The following FAM234B variants were observed in gnomAD, a reference collection of about 807,000 sequenced individuals.
The protein encoded by FAM234B is family with sequence similarity 234 member B, also known as protein FAM234B.
FAM234B carries 33 observed loss-of-function variants against 69.3 expected under a neutral mutation model. The ratio of observed to expected loss-of-function variants is 0.48; its 90% CI spans 0.36 to 0.64. The LOEUF (loss-of-function observed/expected upper bound fraction) is 0.64, where lower values mean the gene tolerates loss of function less well. Ranked by LOEUF, FAM234B falls within the 30% of genes least tolerant of loss-of-function variation. The pLI is 0.00. For synonymous variants in FAM234B, 306 were observed against 306.9 expected, an observed-to-expected ratio of 1.00 and a Z score of 0.03; for missense variants, 697 against 769.7, an observed-to-expected ratio of 0.91 and a Z score of 1.12.
At chr12:13,069,143 A>G (rs1049105123) in intron 9 of FAM234B, among the ~76,000 whole-genome samples, 1 of 152,236 alleles carries the variant, frequency 6.6e-6, no homozygotes, top group East Asian at 1.9e-4. Flanking sequence ...GTATTTATGT[A>G]GACAGGAAAA....
chr12:13,055,290 A>T (rs1029728095), intron 1 of FAM234B, among the ~76,000 whole-genome samples: 1 of 152,202 alleles, frequency 6.6e-6, no homozygotes, highest in Admixed American at 6.5e-5. Context: ...AAATTTGCTA[A>T]CTTCTGCCTC....
intron 5 of FAM234B, among the ~76,000 whole-genome samples, chr12:13,066,073 A>G (rs1293096676): frequency 6.6e-6 from 1 of 152,166 alleles, no homozygotes; most frequent in Non-Finnish European, 1.5e-5. Context: ...TGTGTTATTT[A>G]TGACTGCTTT....
chr12:13,075,899 G>C (rs1200503573), intron 10 of FAM234B, 127 bp from the exon 11 acceptor site: 1 of 756,978 alleles, frequency 1.3e-6, no homozygotes, highest in Non-Finnish European at 2.4e-6. Flanking sequence ...CTTGTAGTTA[G>C]GATCAGGCAT....
chr12:13,061,863 G>C, intron 4 of FAM234B, 100 bp downstream of exon 4: 3 of 953,048 alleles, frequency 3.1e-6, no homozygotes, highest in Non-Finnish European at 4.7e-6. Flanking sequence ...TCACGTGGTG[G>C]AGTATCTGAT....
In FAM234B at chr12:13,080,747, C is replaced by T. The variant is rs900761450; in HGVS notation, c.*117C>T. On this transcript the variant is annotated 3_prime_UTR_variant, in exon 13 of 13. Transcript: ENST00000197268. Reference sequence around the variant, plus strand: ...ACTTCTTCGTCCTCATTTACCACCTCCCTGATGGTTGCAAAGGCTTGGGAA... The same window carrying T: ...ACTTCTTCGTCCTCATTTACCACCTTCCTGATGGTTGCAAAGGCTTGGGAA... The T allele has an allele frequency of 3.0e-5, 26 of 860,008 alleles. No individual in the cohort carries two copies. The African/African-American group carries it at 3.9e-4, about 13-fold the overall frequency. 53.3% of individuals were successfully genotyped at this position (860,008 alleles called of 1,614,324 possible).
rs1865219461 is a variant in FAM234B at position 13,080,989 on chromosome 12, T to G, written c.*359T>G. On this transcript the variant is annotated 3_prime_UTR_variant, in exon 13 of 13. Coordinates refer to ENST00000197268, the MANE Select transcript of FAM234B (RefSeq NM_020853.2). ...CTAGGAAACATTTTGTTGTACATTGTGCTGTGTGTGTGTATATTTTAGTGT... is the reference window on the plus strand; with the variant it reads ...CTAGGAAACATTTTGTTGTACATTGGGCTGTGTGTGTGTATATTTTAGTGT... The G allele has an allele frequency of 4.6e-6, 1 of 216,178 alleles. No homozygotes were observed. Among genetic ancestry groups the G allele is most frequent in the African/African-American group, 2.3e-5 (1 of 43,784 alleles). The allele number at this position is 216,178 out of a possible 1,614,324, so 13.4% of individuals were successfully genotyped here.
chr12:13,083,144 A>G lies in FAM234B; in HGVS notation c.*2514A>G, dbSNP rs979561738. 5.2e-5 allele frequency: 8 copies of G among 152,400 alleles called. No homozygotes were observed. The highest frequency in any genetic ancestry group is 1.7e-4 in the African/African-American group (7 of 41,378). The allele number at this position is 152,400 out of a possible 1,614,324, so 9.4% of individuals were successfully genotyped here. ...CCCACCCAGGTGTCTAAGATAGGACATGCTCCTTTCTTTCTCTAATCCCAT... is the reference window on the plus strand; with the variant it reads ...CCCACCCAGGTGTCTAAGATAGGACGTGCTCCTTTCTTTCTCTAATCCCAT... On this transcript the variant is annotated 3_prime_UTR_variant, in exon 13 of 13. Coordinates refer to ENST00000197268, the MANE Select transcript of FAM234B (RefSeq NM_020853.2).
Position 13,076,517 on chromosome 12 carries a change from T to G in FAM234B, c.1642+374T>G, listed in dbSNP as rs776290020. Reference sequence around the variant, plus strand: ...CTAGTTTCTTGACCCACTCAGAGATTAGGATTTGGAATTAACTGTGAAGGA... The same window carrying G: ...CTAGTTTCTTGACCCACTCAGAGATGAGGATTTGGAATTAACTGTGAAGGA... On this transcript the variant is annotated intron_variant, in intron 11 of 12. Transcript: ENST00000197268. Among the ~76,000 whole-genome samples, 93 of 152,222 alleles carry G rather than the reference T, an allele frequency of 6.1e-4. 1 individual carries two copies. Among genetic ancestry groups the G allele is most frequent in the Non-Finnish European group, 2.2e-4 (15 of 68,034 alleles).
Position 13,055,907 on chromosome 12 carries a change from C to A in FAM234B, c.394C>A (p.Leu132Met). ...AFLIPCPPRDLHSTWSRHLGS... is the reference protein window; with the variant it reads ...AFLIPCPPRDMHSTWSRHLGS... ...CCTGATCCCCTGTCCTCCCAGAGAT[C>A]TGCACAGCACCTGGAGCCGCCACTT... Residue 132 changes from leucine to methionine, a missense_variant, in exon 2 of 13, where the codon CTG becomes ATG. Coordinates refer to ENST00000197268, the MANE Select transcript of FAM234B (RefSeq NM_020853.2). 1 of 1,599,492 alleles carries A rather than the reference C, an allele frequency of 6.3e-7. No homozygotes were observed. Among genetic ancestry groups the A allele is most frequent in the Non-Finnish European group, 8.5e-7 (1 of 1,172,470 alleles).
intron 10 of FAM234B, among the ~76,000 whole-genome samples, chr12:13,075,497 G>A (rs1865149377): frequency 2.7e-5 from 4 of 149,254 alleles, no homozygotes; most frequent in Admixed American, 2.7e-4. Flanking sequence ...GAGTGCAGTG[G>A]CATGATCTTG....
At chr12:13,053,272 G>T in intron 1 of FAM234B, among the ~76,000 whole-genome samples, 1 of 151,482 alleles carries the variant, frequency 6.6e-6, no homozygotes, top group African/African-American at 2.4e-5. Context: ...ATAATTCTGT[G>T]GAATGTTCAT....
chr12:13,058,571 A>T (rs756585288), intron 3 of FAM234B, 22 bp downstream of exon 3: 1 of 1,582,482 alleles, frequency 6.3e-7, no homozygotes, highest in African/African-American at 1.3e-5. Flanking sequence ...GTTTTTTTCA[A>T]GGCTGCTACA....
At chr12:13,064,290 C>T (rs552720837) in intron 5 of FAM234B, among the ~76,000 whole-genome samples, 2 of 152,292 alleles carry the variant, frequency 1.3e-5, no homozygotes, top group East Asian at 3.9e-4. Flanking sequence ...CTTTTTTATC[C>T]TAGCCATTGT....
chr12:13,051,397 A>G (rs1001953540), intron 1 of FAM234B, among the ~76,000 whole-genome samples: 3 of 152,202 alleles, frequency 2.0e-5, no homozygotes, highest in Admixed American at 6.5e-5. Context: ...CTGACTAGCA[A>G]GATTGAATTT....
In FAM234B at chr12:13,067,088, C is replaced by T. The variant is rs1865047710; in HGVS notation, c.1001-67C>T. 1.9e-6 allele frequency: 3 copies of T among 1,585,184 alleles called. No homozygotes were observed. Among genetic ancestry groups the T allele is most frequent in the Non-Finnish European group, 2.6e-6 (3 of 1,157,750 alleles). On this transcript the variant is annotated intron_variant, in intron 6 of 12. Transcript: ENST00000197268. This position sits in a 1 kb window ranked among gnomAD's most constrained non-coding sequence, Gnocchi z 4.7. ...CTGGTCAGGCTCTGTGTCTCTTGCT[C>T]AGATCCTCACCATGGGACAGTTCTG...
chr12:13,075,858 C>T (rs980903877), intron 10 of FAM234B, among the ~76,000 whole-genome samples, 168 bp from the exon 11 acceptor site: 8 of 151,976 alleles, frequency 5.3e-5, no homozygotes, highest in African/African-American at 1.9e-4. Context: ...AAATATGTCT[C>T]TTATACAGGG....
At chr12:13,056,065 C>A in intron 2 of FAM234B, 119 bp downstream of exon 2, 1 of 1,071,182 alleles carries the variant, frequency 9.3e-7, no homozygotes, top group Non-Finnish European at 1.3e-6. Flanking sequence ...CCCACCCTGC[C>A]GTCCCCACTG....
Position 13,061,270 on chromosome 12 carries a change from C to T in FAM234B, c.533-305C>T, listed in dbSNP as rs116206250. On this transcript the variant is annotated intron_variant, in intron 3 of 12. Transcript: ENST00000197268. ...ACAGTCTTTCTCCTTAAGGATATCACCATTTAGTTGGGGCCGAGGTGGCAG... is the reference window on the plus strand; with the variant it reads ...ACAGTCTTTCTCCTTAAGGATATCATCATTTAGTTGGGGCCGAGGTGGCAG... 2.3e-3 allele frequency among the ~76,000 whole-genome samples: 357 copies of T among 152,250 alleles called. 3 individuals carry two copies. Among genetic ancestry groups the T allele is most frequent in the African/African-American group, 8.3e-3 (343 of 41,534 alleles).
At chr12:13,055,251 G>T (rs1361131994) in intron 1 of FAM234B, among the ~76,000 whole-genome samples, 1 of 152,232 alleles carries the variant, frequency 6.6e-6, no homozygotes, top group Non-Finnish European at 1.5e-5. Flanking sequence ...CACATTAAGA[G>T]AGCTTTCTTT....
Sources: gnomAD v4.1 joint callset for allele counts (sites outside exome capture counted in the v4.1 genomes callset) on GRCh38, gnomAD v4.1.1 for gene constraint, Gnocchi (gnomAD v3.1) non-coding constraint, MANE v1.5 for transcripts, NCBI Gene and HGNC (gene_info 2026-07-23, HGNC 2026-07-21) for gene names.